Variants in MAML2 observed in about 807,000 individuals in gnomAD.
The protein encoded by MAML2 is mastermind like transcriptional coactivator 2.
Under a neutral mutation model 96.1 loss-of-function variants are expected in MAML2, and 22 were observed. The observed-to-expected ratio is 0.23, with a 90% CI of 0.16 to 0.33. The LOEUF is 0.33. Among genes scored for constraint, MAML2 ranks in the 10% least tolerant of loss-of-function variants. The probability of loss-of-function intolerance (pLI) is 1.00; values close to 1 mark genes in which losing one functional copy is unlikely to be tolerated. For synonymous variants in MAML2, 561 were observed against 521.3 expected, an observed-to-expected ratio of 1.08 and a Z score of -1.04; for missense variants, 1,367 against 1,392.4, an observed-to-expected ratio of 0.98 and a Z score of 0.29.
In MAML2 at chr11:96,092,784, G is replaced by C. The variant is rs774183002; in HGVS notation, c.1247C>G (p.Thr416Arg). ...SVPQSQAQPQ[T>R]GSGASRALPS... is the part of the protein sequence containing the mutation. The stretch of plus-strand genomic sequence containing the variant: ...CAAGGCCCGGCTTGCTCCGGAGCCT[G>C]TCTGAGGCTGAGCCTGGCTCTGAGG... The change falls in exon 2 of 5, where the codon ACA becomes AGA. Residue 416 changes from threonine (T) to arginine (R), a missense_variant. Coordinates refer to ENST00000524717, the MANE Select transcript of MAML2 (RefSeq NM_032427.4). This position sits in a 1 kb window ranked among gnomAD's most constrained non-coding sequence, Gnocchi z 4.1. 1 of 1,612,740 alleles carries C rather than the reference G, an allele frequency of 6.2e-7. No individual in the cohort carries two copies. The highest frequency in any genetic ancestry group is 1.1e-5 in the South Asian group (1 of 90,970).
At chr11:96,254,119 AT>A (rs915779629) in intron 1 of MAML2, among the ~76,000 whole-genome samples, 8 of 152,054 alleles carry the variant, frequency 5.3e-5, no homozygotes, top group African/African-American at 1.9e-4. Context: ...GGGGAAAGTG[AT>A]TTGATGTTAA....
At chr11:96,208,952 A>G (rs1312842287) in intron 1 of MAML2, among the ~76,000 whole-genome samples, 1 of 152,188 alleles carries the variant, frequency 6.6e-6, no homozygotes, top group African/African-American at 2.4e-5. Flanking sequence ...TCGATGTGTC[A>G]GTTATCTGTT....
intron 1 of MAML2, among the ~76,000 whole-genome samples, chr11:96,135,623 A>C (rs1265944064): frequency 6.6e-6 from 1 of 151,944 alleles, no homozygotes; most frequent in East Asian, 1.9e-4. Flanking sequence ...AATGAAACAA[A>C]ACTGAATAAT....
rs74468612 is a variant in MAML2, at chr11:95,981,959, A to T, written c.2456-1996T>A. 1.4e-4 allele frequency among the ~76,000 whole-genome samples: 21 copies of T among 152,338 alleles called. No individual in the cohort carries two copies. In the East Asian group the frequency reaches 3.5e-3, roughly 25 times the overall value. On this transcript the variant is annotated intron_variant, in intron 4 of 4. Coordinates refer to ENST00000524717, the MANE Select transcript of MAML2 (RefSeq NM_032427.4). Reference sequence around the variant, plus strand: ...CAGAATAGAGAGAATTTCCACAAAGATCACAAAATAGTAACAGTTAATGTT... The same window carrying T: ...CAGAATAGAGAGAATTTCCACAAAGTTCACAAAATAGTAACAGTTAATGTT...
chr11:96,055,854 G>A (rs929102424), intron 2 of MAML2, among the ~76,000 whole-genome samples: 10 of 152,258 alleles, frequency 6.6e-5, no homozygotes, highest in Middle Eastern at 6.8e-3. Flanking sequence ...ATGCCAAGTT[G>A]AATTTTCATG....
chr11:96,199,934 T>TA (rs1324747096), intron 1 of MAML2, among the ~76,000 whole-genome samples: 1 of 152,228 alleles, frequency 6.6e-6, no homozygotes, highest in Non-Finnish European at 1.5e-5. Context: ...GATCAATCAT[T>TA]TCATTAAGTA....
chr11:96,256,920 A>C (rs945494481), intron 1 of MAML2, among the ~76,000 whole-genome samples: 19 of 152,240 alleles, frequency 1.2e-4, no homozygotes, highest in South Asian at 6.2e-4. Context: ...AGGACACCCC[A>C]GTAAGAAAGA....
intron 1 of MAML2, among the ~76,000 whole-genome samples, chr11:96,233,834 A>C (rs1862330141): frequency 6.6e-6 from 1 of 152,170 alleles, no homozygotes; most frequent in African/African-American, 2.4e-5. Context: ...CAGTGTTAGA[A>C]AAAGGAGTGA....
At chr11:96,165,415 C>T (rs1338574821) in intron 1 of MAML2, among the ~76,000 whole-genome samples, 1 of 152,072 alleles carries the variant, frequency 6.6e-6, no homozygotes, top group Non-Finnish European at 1.5e-5. Flanking sequence ...CAAAGTTGTA[C>T]CTTAACGTAA....
Position 95,978,843 on chromosome 11 carries a change from T to A in MAML2, c.*105A>T, listed in dbSNP as rs560859487. On this transcript the variant is annotated 3_prime_UTR_variant, in exon 5 of 5. Transcript: ENST00000524717. Reference sequence around the variant, plus strand: ...CTGCTTTCCATTTTTAAGCATGTTATCTTCATGTAGTCCACCTGAACATCA... The same window carrying A: ...CTGCTTTCCATTTTTAAGCATGTTAACTTCATGTAGTCCACCTGAACATCA... 6.1e-5 allele frequency: 64 copies of A among 1,051,794 alleles called. No individual in the cohort carries two copies. The South Asian group carries it at 7.0e-4, about 12-fold the overall frequency. 65.2% of individuals were successfully genotyped at this position (1,051,794 alleles called of 1,614,324 possible). A position where few individuals can be genotyped will look rare whatever the true frequency, so the allele number is the denominator to read the frequency against.
At chr11:96,018,981 G>T (rs189097996) in intron 2 of MAML2, among the ~76,000 whole-genome samples, 1 of 152,180 alleles carries the variant, frequency 6.6e-6, no homozygotes, top group Non-Finnish European at 1.5e-5. Context: ...AGACAAAAAC[G>T]TGATTGAAAT....
At position 96,248,322 on chromosome 11, in the gene MAML2, G is replaced by A. The variant is rs546859486; in HGVS notation, c.513+93061C>T. 4.6e-5 allele frequency among the ~76,000 whole-genome samples: 7 copies of A among 150,556 alleles called. No individual in the cohort carries two copies. The South Asian group carries it at 1.5e-3, about 32-fold the overall frequency. ...AGGCGGGGTTTCATCATTTTGGCCA[G>A]ACTAGTCTCCAACTCCTGACCTCAA... is the stretch of plus-strand genomic sequence containing the variant. On this transcript the variant is annotated intron_variant, in intron 1 of 4. Coordinates refer to ENST00000524717, the MANE Select transcript of MAML2 (RefSeq NM_032427.4).
intron 1 of MAML2, among the ~76,000 whole-genome samples, chr11:96,249,604 T>A (rs1235829509): frequency 2.0e-5 from 3 of 152,158 alleles, no homozygotes; most frequent in African/African-American, 7.2e-5. Context: ...TTTTGAGTGA[T>A]CCTTGGTTCA....
chr11:96,214,761 AG>A (rs1862023077), intron 1 of MAML2, among the ~76,000 whole-genome samples: 1 of 152,222 alleles, frequency 6.6e-6, no homozygotes, highest in South Asian at 2.1e-4. Flanking sequence ...CTATTTTAGT[AG>A]AAGTTGTCAA....
chr11:96,193,416 T>C (rs770564853), intron 1 of MAML2, among the ~76,000 whole-genome samples: 1 of 152,140 alleles, frequency 6.6e-6, no homozygotes, highest in Non-Finnish European at 1.5e-5. Context: ...TTGTGTGGCA[T>C]TGTGTTTCCA....
intron 1 of MAML2, among the ~76,000 whole-genome samples, chr11:96,120,545 C>T (rs921048658): frequency 2.0e-5 from 3 of 152,148 alleles, no homozygotes; most frequent in Non-Finnish European, 4.4e-5. Context: ...AGTCTACCTC[C>T]CAGCTCCTTA....
chr11:96,314,156 C>T (rs1281051696), intron 1 of MAML2, among the ~76,000 whole-genome samples: 1 of 152,212 alleles, frequency 6.6e-6, no homozygotes, highest in African/African-American at 2.4e-5. Flanking sequence ...AAGGCTAGTT[C>T]TGCAGAGAAG....
chr11:96,157,562 A>C (rs1202400863), intron 1 of MAML2, among the ~76,000 whole-genome samples: 1 of 152,278 alleles, frequency 6.6e-6, no homozygotes, highest in African/African-American at 2.4e-5. Context: ...ATGCTCATGG[A>C]GTATGCATGA....
intron 2 of MAML2, among the ~76,000 whole-genome samples, chr11:96,003,414 G>A (rs1456681466): frequency 1.4e-5 from 2 of 146,608 alleles, no homozygotes; most frequent in Non-Finnish European, 3.0e-5. Flanking sequence ...GGAGATTCAA[G>A]TTACAGAACT....
Sources: gnomAD v4.1 joint callset for allele counts (sites outside exome capture counted in the v4.1 genomes callset) on GRCh38, gnomAD v4.1.1 for gene constraint, Gnocchi (gnomAD v3.1) non-coding constraint, MANE v1.5 for transcripts, NCBI Gene and HGNC (gene_info 2026-07-23, HGNC 2026-07-21) for gene names.